Variants in ADAM22 observed in about 807,000 individuals in gnomAD.
The protein encoded by ADAM22 is ADAM metallopeptidase domain 22.
Under a neutral mutation model 144.6 loss-of-function variants are expected in ADAM22, and 65 were observed. The ratio of observed to expected loss-of-function variants is 0.45; its 90% CI spans 0.37 to 0.55. The LOEUF is 0.55. ADAM22 is among the 20% of genes least tolerant of loss of function. The probability of loss-of-function intolerance (pLI) is 0.00; values close to 1 mark genes in which losing one functional copy is unlikely to be tolerated. For missense variants in ADAM22, 974 were observed against 1,184.9 expected (o/e 0.82, Z 2.61); for synonymous variants, 391 against 412.6 (o/e 0.95, Z 0.63).
At chr7:88,127,498 CT>C (rs1830691986) in intron 8 of ADAM22, among the ~76,000 whole-genome samples, 1 of 151,964 alleles carries the variant, frequency 6.6e-6, no homozygotes, top group Non-Finnish European at 1.5e-5. Flanking sequence ...AAAGAAGACT[CT>C]CATCATTGGA....
At chr7:88,011,679 C>T (rs1795452237) in intron 3 of ADAM22, among the ~76,000 whole-genome samples, 2 of 151,772 alleles carry the variant, frequency 1.3e-5, no homozygotes, top group Non-Finnish European at 2.9e-5. Flanking sequence ...CTGAAAGTAA[C>T]CCTTCATCTC....
At chr7:88,031,007 T>A (rs1304647935) in intron 3 of ADAM22, among the ~76,000 whole-genome samples, 1 of 152,042 alleles carries the variant, frequency 6.6e-6, no homozygotes, top group African/African-American at 2.4e-5. Context: ...TCCCAGCTAC[T>A]CAGGAGGCTG....
rs1242604142 is a variant in ADAM22, at chr7:88,114,712, CT to C, written c.537+72del. The C allele has an allele frequency of 7.8e-6, 11 of 1,415,456 alleles. No homozygotes were observed. The East Asian group carries it at 9.2e-5, about 12-fold the overall frequency. The allele number at this position is 1,415,456 out of a possible 1,614,324, so 87.7% of individuals were successfully genotyped here. A position where few individuals can be genotyped will look rare whatever the true frequency, so the allele number is the denominator to read the frequency against. Reference sequence around the variant, plus strand: ...TTATGCTGAGAGCTTTTTTCCTCTCCTTTTTTTATCTCTACTTTATTTCATT... The same window carrying C: ...TTATGCTGAGAGCTTTTTTCCTCTCCTTTTTTATCTCTACTTTATTTCATT... On this transcript the variant is annotated intron_variant, in intron 6 of 31. Coordinates refer to ENST00000413139, the MANE Select transcript of ADAM22 (RefSeq NM_001324418.2).
chr7:88,019,671 A>T (rs1329347140), intron 3 of ADAM22, among the ~76,000 whole-genome samples: 1 of 151,894 alleles, frequency 6.6e-6, no homozygotes, highest in Non-Finnish European at 1.5e-5. Context: ...AACACGGTAA[A>T]ACCCTGTGTC....
chr7:88,125,334 A>G (rs1830150588), intron 7 of ADAM22, among the ~76,000 whole-genome samples: 1 of 152,034 alleles, frequency 6.6e-6, no homozygotes. Context: ...AAGTAATGAT[A>G]TTTATAAGAG....
At chr7:87,970,710 C>T (rs891717801) in intron 2 of ADAM22, among the ~76,000 whole-genome samples, 1 of 152,136 alleles carries the variant, frequency 6.6e-6, no homozygotes, top group Non-Finnish European at 1.5e-5. Context: ...TGCCACAAAG[C>T]AAAATGCATG....
intron 30 of ADAM22, among the ~76,000 whole-genome samples, chr7:88,189,446 A>T (rs1849094651): frequency 6.6e-6 from 1 of 152,188 alleles, no homozygotes; most frequent in South Asian, 2.1e-4. Flanking sequence ...CACATCCTAG[A>T]GTGTAAGCAT....
intron 3 of ADAM22, among the ~76,000 whole-genome samples, chr7:88,074,267 C>G (rs1333056545): frequency 1.3e-5 from 2 of 152,162 alleles, no homozygotes. Flanking sequence ...ACATTTATTA[C>G]TCATATGCTT....
At chr7:88,181,439 C>T (rs1349505325) in intron 27 of ADAM22, 66 bp from the exon 28 acceptor site, 2 of 1,352,894 alleles carry the variant, frequency 1.5e-6, no homozygotes, top group African/African-American at 1.5e-5. Context: ...AGAAGTTTTG[C>T]TTACTGATCT....
intron 2 of ADAM22, among the ~76,000 whole-genome samples, chr7:87,976,359 T>C (rs1392237551): frequency 1.6e-4 from 24 of 152,210 alleles, no homozygotes; most frequent in Non-Finnish European, 1.3e-4. Flanking sequence ...TAATCCAATA[T>C]GACTGGTGTC....
chr7:88,066,536 G>A (rs1811293111), intron 3 of ADAM22, among the ~76,000 whole-genome samples: 1 of 152,026 alleles, frequency 6.6e-6, no homozygotes. Context: ...ATATGATTCT[G>A]GTGTTTAGAG....
At chr7:88,083,587 TTGTGTG>T (rs35145003) in intron 4 of ADAM22, among the ~76,000 whole-genome samples, 14,111 of 126,576 alleles carry the variant, frequency 0.11, 626 homozygotes, top group Middle Eastern at 0.18. Context: ...TACTTTGTGT[TTGTGTG>T]TGTGTGTGTG....
chr7:88,014,360 A>G (rs1415705113), intron 3 of ADAM22, among the ~76,000 whole-genome samples: 1 of 152,156 alleles, frequency 6.6e-6, no homozygotes, highest in Non-Finnish European at 1.5e-5. Flanking sequence ...CCAACTCCCC[A>G]TCATAAACTT....
intron 4 of ADAM22, among the ~76,000 whole-genome samples, chr7:88,086,649 C>A (rs1046115144): frequency 8.5e-5 from 13 of 152,250 alleles, no homozygotes; most frequent in African/African-American, 3.1e-4. Context: ...ACACGGACTT[C>A]TAAAAGAATT....
chr7:87,952,300 T>A (rs1845437065), intron 2 of ADAM22, among the ~76,000 whole-genome samples: 1 of 151,622 alleles, frequency 6.6e-6, no homozygotes, highest in African/African-American at 2.4e-5. Flanking sequence ...GCTCTTATTA[T>A]TTTGAGATAC....
In ADAM22 at chr7:87,943,440, C is replaced by G. The variant is rs188821135; in HGVS notation, c.246+8254C>G. 6.2e-4 allele frequency among the ~76,000 whole-genome samples: 94 copies of G among 152,046 alleles called. 1 individual carries two copies. The South Asian group carries it at 0.011, about 18-fold the overall frequency. On this transcript the variant is annotated intron_variant, in intron 2 of 31. Coordinates refer to ENST00000413139, the MANE Select transcript of ADAM22 (RefSeq NM_001324418.2). ...CATTTATCTCTGTGTTGGAACATAC[C>G]TAACGTTATTTCTTGGTCTGGCCCA...
intron 1 of ADAM22, 146 bp downstream of exon 1, chr7:87,934,696 T>C (rs1364032042): frequency 6.9e-5 from 55 of 792,416 alleles, no homozygotes; most frequent in Non-Finnish European, 9.8e-5. Context: ...GGGAGGGTGG[T>C]GAGAAGTGGA....
chr7:87,984,077 G>C (rs755712711), intron 3 of ADAM22, among the ~76,000 whole-genome samples: 1 of 152,104 alleles, frequency 6.6e-6, no homozygotes, highest in Non-Finnish European at 1.5e-5. Context: ...GGCTTCTCTG[G>C]TTGTGACTAT....
At chr7:88,109,117 G>T (rs1449236721) in intron 5 of ADAM22, among the ~76,000 whole-genome samples, 1 of 152,092 alleles carries the variant, frequency 6.6e-6, no homozygotes, top group Non-Finnish European at 1.5e-5. Context: ...AAGAGAAAAG[G>T]CTGCTAGTGA....
Sources: allele counts gnomAD v4.1 joint callset (sites outside exome capture counted in the v4.1 genomes callset), GRCh38; gene constraint gnomAD v4.1.1; transcripts MANE v1.5; gene names NCBI Gene and HGNC (gene_info 2026-07-23, HGNC 2026-07-21).